Variants in LRRC7 observed in about 807,000 individuals in gnomAD.
LRRC7 encodes the protein leucine rich repeat containing 7, also known as leucine-rich repeat-containing protein 7.
Under a neutral mutation model 175.7 loss-of-function variants are expected in LRRC7, and 23 were observed. The ratio of observed to expected loss-of-function variants is 0.13; its 90% confidence interval spans 0.09 to 0.19. LRRC7 has a LOEUF of 0.19. LRRC7 is among the 10% of genes least tolerant of loss of function. LRRC7 has a pLI of 1.00. For missense variants in LRRC7, 1,354 were observed against 1,904.7 expected, an observed-to-expected ratio of 0.71 and a Z score of 5.38; for synonymous variants, 685 against 680.9, an observed-to-expected ratio of 1.01 and a Z score of -0.09.
intron 9 of LRRC7, 123 bp downstream of exon 9, chr1:69,980,576 G>GC: frequency 2.7e-6 from 2 of 748,656 alleles, no homozygotes; most frequent in Non-Finnish European, 4.3e-6. Context: ...CTCATTAGGA[G>GC]TGTTCAGTCA....
rs536307469 is a variant in LRRC7 at position 70,033,041 on chromosome 1, A to G, written c.1996-3080A>G. Among the ~76,000 whole-genome samples the G allele has an allele frequency of 2.6e-5, 4 of 152,358 alleles. No homozygotes were observed. The South Asian group carries it at 6.2e-4, about 24-fold the overall frequency. On this transcript the variant is annotated intron_variant, in intron 18 of 26. Transcript: ENST00000651989. The stretch of plus-strand genomic sequence containing the variant: ...AAGGAACTCAATTCCTCTAGCCTCT[A>G]TAAAAGAATTTATAGAAACAAAATT...
At chr1:69,629,936 C>T (rs1422588741) in intron 1 of LRRC7, among the ~76,000 whole-genome samples, 1 of 152,062 alleles carries the variant, frequency 6.6e-6, no homozygotes, top group Non-Finnish European at 1.5e-5. Context: ...CTTCTTAAAT[C>T]ACAGAGAATA....
At chr1:69,799,160 G>A (rs962287672) in intron 4 of LRRC7, among the ~76,000 whole-genome samples, 13 of 139,046 alleles carry the variant, frequency 9.3e-5, no homozygotes, top group Admixed American at 9.3e-4. Flanking sequence ...TTTGTGGCTT[G>A]TCTTCACTTT....
intron 1 of LRRC7, among the ~76,000 whole-genome samples, chr1:69,624,502 T>C (rs1475005615): frequency 6.6e-6 from 1 of 152,104 alleles, no homozygotes; most frequent in Non-Finnish European, 1.5e-5. Flanking sequence ...AGCAGAAGGG[T>C]TAAATTTTTT....
chr1:69,956,559 A>G (rs906707081), intron 8 of LRRC7, among the ~76,000 whole-genome samples: 1 of 151,790 alleles, frequency 6.6e-6, no homozygotes, highest in Admixed American at 6.6e-5. Context: ...TTATAAATTA[A>G]TTGTCCCTTA....
chr1:69,820,682 G>A (rs1679181231), intron 4 of LRRC7, among the ~76,000 whole-genome samples: 1 of 151,864 alleles, frequency 6.6e-6, no homozygotes, highest in South Asian at 2.1e-4. Flanking sequence ...CCCTGCAAAG[G>A]ACATGAACTC....
At position 69,781,771 on chromosome 1, in the gene LRRC7, A is replaced by G. The variant is rs867534444; in HGVS notation, c.304-10272A>G. 9.7e-3 allele frequency among the ~76,000 whole-genome samples: 469 copies of G among 48,588 alleles called. 7 individuals carry two copies. Among genetic ancestry groups the G allele is most frequent in the East Asian group, 0.02 (25 of 1,280 alleles). 31.9% of individuals were successfully genotyped at this position (48,588 alleles called of 152,430 possible). A position where few individuals can be genotyped will look rare whatever the true frequency, so the allele number is the denominator to read the frequency against. ...AGAGAGAGAGAGAGAGAGAGAAAGAAAGAAAGAAAGAAAGAAAGGAAGGAA... is the reference window on the plus strand; with the variant it reads ...AGAGAGAGAGAGAGAGAGAGAAAGAGAGAAAGAAAGAAAGAAAGGAAGGAA... On this transcript the variant is annotated intron_variant, in intron 3 of 26. Transcript: ENST00000651989.
At chr1:70,044,460 C>T (rs550026151) in intron 22 of LRRC7, among the ~76,000 whole-genome samples, 1 of 151,944 alleles carries the variant, frequency 6.6e-6, no homozygotes, top group Non-Finnish European at 1.5e-5. Flanking sequence ...GTCCTATCGT[C>T]CTGGTGATGC....
At chr1:69,876,763 G>T (rs1686080260) in intron 7 of LRRC7, among the ~76,000 whole-genome samples, 1 of 152,078 alleles carries the variant, frequency 6.6e-6, no homozygotes, top group African/African-American at 2.4e-5. Flanking sequence ...ATTTGTTGAG[G>T]ACTGACTGTG....
At chr1:70,072,547 A>G (rs1179613064) in intron 23 of LRRC7, among the ~76,000 whole-genome samples, 1 of 151,946 alleles carries the variant, frequency 6.6e-6, no homozygotes, top group African/African-American at 2.4e-5. Context: ...AACATCATTC[A>G]TCACAGCCTA....
intron 1 of LRRC7, among the ~76,000 whole-genome samples, chr1:69,632,306 G>A (rs1270102159): frequency 6.6e-6 from 1 of 152,114 alleles, no homozygotes. Context: ...TGTGAGGATA[G>A]GACACAGTTT....
intron 18 of LRRC7, among the ~76,000 whole-genome samples, chr1:70,030,804 A>G (rs1045588326): frequency 6.6e-6 from 1 of 152,224 alleles, no homozygotes; most frequent in African/African-American, 2.4e-5. Context: ...AAGGGGAAAA[A>G]GGAAAGGTAA....
chr1:69,568,686 C>CT (rs779509390), intron 1 of LRRC7, 45 bp downstream of exon 1: 1 of 723,416 alleles, frequency 1.4e-6, no homozygotes, highest in Non-Finnish European at 1.9e-6. Flanking sequence ...GCTGCGGGGG[C>CT]CCGGCCGCGG....
In LRRC7 at chr1:70,085,697, G is replaced by C. The variant is rs1663552450; in HGVS notation, c.4453-4030G>C. On this transcript the variant is annotated intron_variant, in intron 24 of 26. Coordinates refer to ENST00000651989, the MANE Select transcript of LRRC7 (RefSeq NM_001370785.2). The stretch of plus-strand genomic sequence containing the variant: ...TTCCTGAGGCAAGAATAAGCTTAAA[G>C]TAAATAAATAAGTAGAATAACTCCT... 2.0e-5 allele frequency among the ~76,000 whole-genome samples: 3 copies of C among 152,146 alleles called. No individual in the cohort carries two copies. In the South Asian group the frequency reaches 6.2e-4, roughly 32 times the overall value.
At chr1:69,908,254 C>G (rs931275903) in intron 7 of LRRC7, among the ~76,000 whole-genome samples, 12 of 152,132 alleles carry the variant, frequency 7.9e-5, no homozygotes, top group African/African-American at 2.9e-4. Context: ...TTTTGTGTCT[C>G]TATCTCCTTC....
At chr1:69,949,239 A>C (rs533574286) in intron 8 of LRRC7, among the ~76,000 whole-genome samples, 1 of 152,168 alleles carries the variant, frequency 6.6e-6, no homozygotes, top group South Asian at 2.1e-4. Context: ...TTCTTTCTCT[A>C]TGCATTTACA....
chr1:69,845,779 G>C (rs1265407829), intron 7 of LRRC7, among the ~76,000 whole-genome samples: 1 of 152,056 alleles, frequency 6.6e-6, no homozygotes, highest in East Asian at 1.9e-4. Flanking sequence ...ACAGCTTACA[G>C]AATGGCTTTT....
At chr1:69,628,147 A>C (rs934357164) in intron 1 of LRRC7, among the ~76,000 whole-genome samples, 44 of 152,248 alleles carry the variant, frequency 2.9e-4, no homozygotes, top group African/African-American at 1.0e-3. Context: ...GCTATAAGAG[A>C]AAAGAAGGAA....
chr1:69,937,417 A>C (rs1178695903), intron 8 of LRRC7, among the ~76,000 whole-genome samples: 5 of 152,068 alleles, frequency 3.3e-5, no homozygotes, highest in Non-Finnish European at 5.9e-5. Flanking sequence ...ATTTATTGAT[A>C]TTCCATTTTT....
Sources: gnomAD v4.1 joint callset for allele counts (sites outside exome capture counted in the v4.1 genomes callset) on GRCh38, gnomAD v4.1.1 for gene constraint, MANE v1.5 for transcripts, NCBI Gene and HGNC (gene_info 2026-07-23, HGNC 2026-07-21) for gene names.